Variants in CACNA1D observed in about 807,000 individuals in gnomAD.
CACNA1D encodes voltage-dependent L-type calcium channel subunit alpha-1D.
Under a neutral mutation model 257.1 loss-of-function variants are expected in CACNA1D, and 55 were observed. The observed-to-expected ratio is 0.21, with a 90% CI of 0.17 to 0.27. CACNA1D has a LOEUF of 0.27. Ranked by LOEUF, CACNA1D falls within the 10% of genes least tolerant of loss-of-function variation. The probability of loss-of-function intolerance (pLI) is 1.00; values close to 1 mark genes in which losing one functional copy is unlikely to be tolerated. For missense variants in CACNA1D, 1,876 were observed against 2,784.0 expected, an observed-to-expected ratio of 0.67 and a Z score of 7.34; for synonymous variants, 980 against 1,014.9, an observed-to-expected ratio of 0.97 and a Z score of 0.65.
rs138851028 is a variant in CACNA1D at position 53,811,805 on chromosome 3, G to A, written c.*399G>A. 1.9e-4 allele frequency: 32 copies of A among 166,340 alleles called. No homozygotes were observed. The highest frequency in any genetic ancestry group is 6.2e-4 in the African/African-American group (26 of 41,914). 10.3% of individuals were successfully genotyped at this position (166,340 alleles called of 1,614,324 possible). The stretch of plus-strand genomic sequence containing the variant: ...GCAGGGGAAAGTTAAAGGTGATGAC[G>A]ATCATCACACCTGTGTCGTTACCTC... On this transcript the variant is annotated 3_prime_UTR_variant, in exon 48 of 48. Transcript: ENST00000350061. The surrounding 1 kb of genome is among the most constrained non-coding windows in gnomAD (Gnocchi z 4.2).
At chr3:53,798,480 G>C (rs1028606730) in intron 40 of CACNA1D, among the ~76,000 whole-genome samples, 5 of 152,216 alleles carry the variant, frequency 3.3e-5, no homozygotes, top group Non-Finnish European at 7.4e-5. Flanking sequence ...AACTGTCTTG[G>C]TTTGACCCGG....
At chr3:53,502,565 A>G (rs1406843140) in intron 3 of CACNA1D, among the ~76,000 whole-genome samples, 1 of 152,010 alleles carries the variant, frequency 6.6e-6, no homozygotes, top group East Asian at 1.9e-4. Context: ...TTTTAAAAAA[A>G]AAGCACTAAA....
At chr3:53,655,874 T>C (rs1180012853) in intron 4 of CACNA1D, among the ~76,000 whole-genome samples, 1 of 152,228 alleles carries the variant, frequency 6.6e-6, no homozygotes, top group African/African-American at 2.4e-5. Context: ...CAGAATGGTA[T>C]TGCCTAGGTT....
At position 53,810,078 on chromosome 3, in the gene CACNA1D, G is replaced by A. The variant is rs570389846; in HGVS notation, c.5972G>A (p.Arg1991Gln). Residue 1991 changes from arginine to glutamine, a missense_variant, in exon 47 of 48, where the codon CGG becomes CAG. Arg to Gln is a conservative substitution (Grantham distance 43, BLOSUM62 1). Transcript: ENST00000350061. ...ACCCCTCCAGCAACCCCTCCCTACC[G>A]GGACTGGACACCGTGCTACACCCCC... is the stretch of plus-strand genomic sequence containing the variant. The part of the protein sequence containing the change: ...WATPPATPPY[R>Q]DWTPCYTPLI... The A allele has an allele frequency of 1.3e-5, 21 of 1,613,762 alleles. No homozygotes were observed. The highest frequency in any genetic ancestry group is 5.3e-5 in the African/African-American group (4 of 74,886).
In CACNA1D at chr3:53,722,485, A is replaced by G. The variant is rs1468206941; in HGVS notation, c.1666+11A>G. The G allele has an allele frequency of 1.2e-6, 2 of 1,613,978 alleles. No individual in the cohort carries two copies. Among genetic ancestry groups the G allele is most frequent in the Admixed American group, 3.3e-5 (2 of 60,016 alleles). On this transcript the variant is annotated intron_variant, in intron 12 of 47. Transcript: ENST00000350061. ...TGACACAGATTCAAGGTACAAGCAG[A>G]GGCCATTCCTTTTTTGTTCTGAACT...
intron 3 of CACNA1D, among the ~76,000 whole-genome samples, chr3:53,612,549 G>C (rs2093594617): frequency 6.6e-6 from 1 of 152,190 alleles, no homozygotes; most frequent in Non-Finnish European, 1.5e-5. Context: ...TTTCAGAGTT[G>C]CTTTTTGCTT....
chr3:53,571,169 GA>G (rs2107688117), intron 3 of CACNA1D, among the ~76,000 whole-genome samples: 1 of 152,312 alleles, frequency 6.6e-6, no homozygotes, highest in Admixed American at 6.5e-5. Flanking sequence ...TTGTTGTGGG[GA>G]AGTATCTGAA....
At chr3:53,522,279 G>A (rs1559787346) in intron 3 of CACNA1D, among the ~76,000 whole-genome samples, 1 of 152,172 alleles carries the variant, frequency 6.6e-6, no homozygotes, top group South Asian at 2.1e-4. Flanking sequence ...TGACCCAGTG[G>A]TGCCCTAGAC....
chr3:53,784,564 G>A (rs945984431), intron 39 of CACNA1D, among the ~76,000 whole-genome samples: 2 of 152,196 alleles, frequency 1.3e-5, no homozygotes, highest in African/African-American at 4.8e-5. Flanking sequence ...CTACTCTGGA[G>A]GCTGAAGGGA....
chr3:53,494,948 G>GA lies in CACNA1D; in HGVS notation c.-214dup, dbSNP rs2090284187. The GA allele has an allele frequency of 1.7e-6, 1 of 574,088 alleles. No homozygotes were observed. 35.6% of individuals were successfully genotyped at this position (574,088 alleles called of 1,614,324 possible). A position where few individuals can be genotyped will look rare whatever the true frequency, so the allele number is the denominator to read the frequency against. On this transcript the variant is annotated 5_prime_UTR_variant, in exon 1 of 48. Coordinates refer to ENST00000350061, the MANE Select transcript of CACNA1D (RefSeq NM_001128840.3). ...AAAAAGTTTATTTTGCTCCATTTTT[G>GA]AAAAAGAGAGAGCTTGGGTGGCGAG...
intron 3 of CACNA1D, among the ~76,000 whole-genome samples, chr3:53,556,623 T>C (rs1307468299): frequency 6.6e-6 from 1 of 152,194 alleles, no homozygotes; most frequent in Non-Finnish European, 1.5e-5. Flanking sequence ...GCCCCATATA[T>C]CCTGGATCCA....
At chr3:53,784,622 G>A (rs1482375783) in intron 39 of CACNA1D, among the ~76,000 whole-genome samples, 1 of 152,180 alleles carries the variant, frequency 6.6e-6, no homozygotes, top group African/African-American at 2.4e-5. Context: ...GTGGAATGGG[G>A]TGTGGGTCTT....
At position 53,672,240 on chromosome 3, in the gene CACNA1D, G is replaced by A. The variant is rs11926797; in HGVS notation, c.1117-783G>A. 5.3e-5 allele frequency among the ~76,000 whole-genome samples: 8 copies of A among 152,326 alleles called. No individual in the cohort carries two copies. The South Asian group carries it at 1.5e-3, about 28-fold the overall frequency. On this transcript the variant is annotated intron_variant, in intron 7 of 47. Coordinates refer to ENST00000350061, the MANE Select transcript of CACNA1D (RefSeq NM_001128840.3). ...CAGCTGGAGCCAGTCTCCCAGGGGG[G>A]TCATCTAGATCAAAGCTAAGTGTGG...
chr3:53,736,900 A>C (rs1045574666), intron 20 of CACNA1D, among the ~76,000 whole-genome samples: 21 of 151,958 alleles, frequency 1.4e-4, no homozygotes, highest in Non-Finnish European at 2.4e-4. Flanking sequence ...AAAAAAAAAA[A>C]AAAACAAAAA....
At chr3:53,682,549 C>G (rs2094442665) in intron 8 of CACNA1D, among the ~76,000 whole-genome samples, 1 of 134,280 alleles carries the variant, frequency 7.4e-6, no homozygotes, top group African/African-American at 2.9e-5. Flanking sequence ...AGAGTGAGAC[C>G]CTGTCTTAAA....
In CACNA1D at chr3:53,547,849, G is replaced by A. The variant is rs951308261; in HGVS notation, c.483+46129G>A. On this transcript the variant is annotated intron_variant, in intron 3 of 47. Transcript: ENST00000350061. ...GAACTGGGAATGACAAGGCTATGAG[G>A]TCCTGCCTATGCCCCTCTAACATCG... Among the ~76,000 whole-genome samples, 6 of 152,286 alleles carry A rather than the reference G, an allele frequency of 3.9e-5. No individual in the cohort carries two copies. The East Asian group carries it at 5.8e-4, about 15-fold the overall frequency.
At chr3:53,809,229 C>T (rs2095583480) in intron 46 of CACNA1D, 1 of 176,906 alleles carries the variant, frequency 5.7e-6, no homozygotes, top group Non-Finnish European at 1.2e-5. Context: ...ACCTCCCCTG[C>T]CTACAAAGGG....
At chr3:53,566,956 C>T (rs2092853976) in intron 3 of CACNA1D, among the ~76,000 whole-genome samples, 1 of 152,226 alleles carries the variant, frequency 6.6e-6, no homozygotes, top group Admixed American at 6.5e-5. Flanking sequence ...CTTCAGCTAT[C>T]TGTTAAGAAG....
intron 22 of CACNA1D, among the ~76,000 whole-genome samples, chr3:53,743,692 T>C (rs2095139025): frequency 6.6e-6 from 1 of 152,212 alleles, no homozygotes; most frequent in African/African-American, 2.4e-5. Context: ...TGAGTACTGC[T>C]TACCATCCCC....
Sources: allele counts gnomAD v4.1 joint callset (sites outside exome capture counted in the v4.1 genomes callset), GRCh38; gene constraint gnomAD v4.1.1; non-coding constraint Gnocchi (gnomAD v3.1); transcripts MANE v1.5; gene names NCBI Gene and HGNC (gene_info 2026-07-23, HGNC 2026-07-21).